RBFOX1: variants seen among roughly 807,000 people sequenced by gnomAD.
The protein encoded by RBFOX1 is RNA binding fox-1 homolog 1, also known as RNA binding protein fox-1 homolog 1.
RBFOX1 carries 8 observed loss-of-function variants against 57.7 expected under a neutral mutation model. The ratio of observed to expected loss-of-function variants is 0.14; its 90% CI spans 0.08 to 0.25. The LOEUF (loss-of-function observed/expected upper bound fraction) is 0.25. Among genes scored for constraint, RBFOX1 ranks in the 10% least tolerant of loss-of-function variants. The probability of loss-of-function intolerance (pLI) is 1.00; values close to 1 mark genes in which losing one functional copy is unlikely to be tolerated. For synonymous variants in RBFOX1, 326 were observed against 222.4 expected, an observed-to-expected ratio of 1.47 and a Z score of -4.15; for missense variants, 611 against 548.5, an observed-to-expected ratio of 1.11 and a Z score of -1.14.
chr16:5,274,826 T>G (rs1375919290), intron 1 of RBFOX1, among the ~76,000 whole-genome samples: 2 of 152,222 alleles, frequency 1.3e-5, no homozygotes, highest in African/African-American at 4.8e-5. Flanking sequence ...TTACCCTCTG[T>G]TTCCCTTTCT....
chr16:6,851,984 G>A (rs901638666), intron 3 of RBFOX1, among the ~76,000 whole-genome samples: 1 of 150,812 alleles, frequency 6.6e-6, no homozygotes, highest in Non-Finnish European at 1.5e-5. Context: ...GGAGTCCAGT[G>A]GTGTGATCTC....
chr16:7,129,108 G>A (rs550985107), intron 4 of RBFOX1, among the ~76,000 whole-genome samples: 92 of 152,008 alleles, frequency 6.1e-4, no homozygotes, highest in Non-Finnish European at 8.2e-4. Flanking sequence ...TGTGAGCCAC[G>A]GCACGCAGTC....
chr16:7,472,658 A>C (rs1351790712), intron 4 of RBFOX1, among the ~76,000 whole-genome samples: 1 of 152,254 alleles, frequency 6.6e-6, no homozygotes, highest in African/African-American at 2.4e-5. Flanking sequence ...TTTGAGCATT[A>C]ATCCAGAGGC....
At position 7,516,562 on chromosome 16, in the gene RBFOX1, A is replaced by C. The variant is rs1361295073; in HGVS notation, c.28-1585A>C. Reference sequence around the variant, plus strand: ...CAAGGTTAACTGCTCATGGATAGCAACTCAGCCTCAACATAGGCACACCCT... The same window carrying C: ...CAAGGTTAACTGCTCATGGATAGCACCTCAGCCTCAACATAGGCACACCCT... On this transcript the variant is annotated intron_variant, in intron 4 of 15. Transcript: ENST00000550418. Among the ~76,000 whole-genome samples the C allele has an allele frequency of 2.6e-5, 4 of 152,154 alleles. No homozygotes were observed. The East Asian group carries it at 7.7e-4, about 29-fold the overall frequency.
chr16:6,958,669 G>A (rs1002737445), intron 3 of RBFOX1, among the ~76,000 whole-genome samples: 1 of 152,126 alleles, frequency 6.6e-6, no homozygotes, highest in Non-Finnish European at 1.5e-5. Flanking sequence ...AAGTTAATAT[G>A]GAATTTCTAA....
At chr16:6,021,521 G>A (rs1012655498) in intron 1 of RBFOX1, among the ~76,000 whole-genome samples, 1 of 152,202 alleles carries the variant, frequency 6.6e-6, no homozygotes, top group Non-Finnish European at 1.5e-5. Flanking sequence ...GGCTGTGCTG[G>A]TAAAAAGTGG....
intron 3 of RBFOX1, among the ~76,000 whole-genome samples, chr16:5,649,861 C>A (rs1158066226): frequency 1.3e-5 from 2 of 152,132 alleles, no homozygotes; most frequent in South Asian, 2.1e-4. Context: ...TTGAGCTGAG[C>A]TTGTTAGTCC....
intron 1 of RBFOX1, among the ~76,000 whole-genome samples, chr16:5,379,983 A>G (rs893223166): frequency 1.3e-5 from 2 of 152,122 alleles, no homozygotes; most frequent in African/African-American, 4.8e-5. Flanking sequence ...GTTGGCTGTG[A>G]ACCTGGGAGC....
chr16:6,127,768 C>T (rs1427837578), intron 1 of RBFOX1, among the ~76,000 whole-genome samples: 3 of 152,164 alleles, frequency 2.0e-5, no homozygotes, highest in Admixed American at 1.3e-4. Flanking sequence ...ATAACAAATT[C>T]TCAGTTGAGT....
intron 1 of RBFOX1, among the ~76,000 whole-genome samples, chr16:6,026,532 A>T (rs1037295488): frequency 6.6e-6 from 1 of 152,184 alleles, no homozygotes; most frequent in Admixed American, 6.5e-5. Flanking sequence ...CCTTTGCAAG[A>T]TACAAGGGAG....
At chr16:7,091,634 C>A (rs756579780) in intron 4 of RBFOX1, among the ~76,000 whole-genome samples, 1 of 152,178 alleles carries the variant, frequency 6.6e-6, no homozygotes, top group Non-Finnish European at 1.5e-5. Context: ...ACCACCCAGA[C>A]AGCTCCAGTT....
intron 3 of RBFOX1, among the ~76,000 whole-genome samples, chr16:6,703,235 CTTA>C (rs1005367514): frequency 8.3e-4 from 127 of 152,158 alleles, no homozygotes; most frequent in Middle Eastern, 3.4e-3. Context: ...CTATTAATTA[CTTA>C]TTATTATTTA....
In RBFOX1 at chr16:5,925,513, G is replaced by GA. The variant is rs2152237225; in HGVS notation, c.351+58180dup. On this transcript the variant is annotated intron_variant, in intron 4 of 19. Transcript: ENST00000641259. ...AACATAAACTTGGACGTGATTCGTG[G>GA]AACATGAACATGATTAGTGGTTGAA... Among the ~76,000 whole-genome samples, 2 of 152,266 alleles carry GA rather than the reference G, an allele frequency of 1.3e-5. 1 individual carries two copies. The highest frequency in any genetic ancestry group is 4.8e-5 in the African/African-American group (2 of 41,544).
chr16:7,021,519 T>A (rs1490246029), intron 3 of RBFOX1, among the ~76,000 whole-genome samples: 1 of 145,906 alleles, frequency 6.9e-6, no homozygotes, highest in Non-Finnish European at 1.5e-5. Flanking sequence ...TTATATTTTA[T>A]AAAATTTATA....
chr16:6,113,935 T>A (rs9302817), intron 1 of RBFOX1, among the ~76,000 whole-genome samples: 3 of 152,024 alleles, frequency 2.0e-5, no homozygotes, highest in Admixed American at 1.3e-4. Flanking sequence ...GATCTGATAC[T>A]CTAGGGCTGG....
In RBFOX1 at chr16:6,979,382, C is replaced by G. The variant is rs957693090; in HGVS notation, c.-15-72675C>G. Among the ~76,000 whole-genome samples, 27 of 54,468 alleles carry G rather than the reference C, an allele frequency of 5.0e-4. 1 individual carries two copies. The highest frequency in any genetic ancestry group is 3.3e-3 in the African/African-American group (22 of 6,586). 35.7% of individuals were successfully genotyped at this position (54,468 alleles called of 152,430 possible). ...TGAAAACATTAGTTGAACCTGAGCACTTTCCATTGTGCGATAGACCCACTA... is the reference window on the plus strand; with the variant it reads ...TGAAAACATTAGTTGAACCTGAGCAGTTTCCATTGTGCGATAGACCCACTA... On this transcript the variant is annotated intron_variant, in intron 3 of 15. Transcript: ENST00000550418.
intron 4 of RBFOX1, among the ~76,000 whole-genome samples, chr16:5,939,311 G>T (rs1597872528): frequency 1.3e-5 from 2 of 152,360 alleles, no homozygotes. Context: ...ACAACGGATA[G>T]TTATTATATG....
chr16:7,360,665 G>C (rs2097303399), intron 4 of RBFOX1, among the ~76,000 whole-genome samples: 2 of 152,290 alleles, frequency 1.3e-5, no homozygotes, highest in South Asian at 4.1e-4. Flanking sequence ...CCCTTGCTTG[G>C]AATGCCTGTG....
At chr16:7,540,014 G>A (rs953603436) in intron 5 of RBFOX1, among the ~76,000 whole-genome samples, 1 of 152,168 alleles carries the variant, frequency 6.6e-6, no homozygotes, top group African/African-American at 2.4e-5. Context: ...CTAAAGCATA[G>A]AAGGTGCCCT....
Sources: allele counts gnomAD v4.1 joint callset (sites outside exome capture counted in the v4.1 genomes callset), GRCh38; gene constraint gnomAD v4.1.1; transcripts MANE v1.5; gene names NCBI Gene and HGNC (gene_info 2026-07-23, HGNC 2026-07-21).